The following MVB12B variants were observed in gnomAD, a reference collection of about 807,000 sequenced individuals.
MVB12B encodes the protein multivesicular body subunit 12B.
In MVB12B, 16 loss-of-function variants were observed where a neutral mutation model predicts 41.6. That is an observed-to-expected ratio of 0.38 (90% CI 0.26 to 0.58). The LOEUF is 0.58. Ranked by LOEUF, MVB12B falls within the 20% of genes least tolerant of loss-of-function variation. The probability of loss-of-function intolerance (pLI) is 0.62; values close to 1 mark genes in which losing one functional copy is unlikely to be tolerated. For synonymous variants in MVB12B, 133 were observed against 139.7 expected (o/e 0.95, Z 0.34); for missense variants, 274 against 380.2 (o/e 0.72, Z 2.32).
intron 7 of MVB12B, among the ~76,000 whole-genome samples, chr9:126,453,549 C>T (rs1192141465): frequency 1.3e-5 from 2 of 152,228 alleles, no homozygotes; most frequent in East Asian, 1.9e-4. Context: ...TGTGTATCAC[C>T]GGCTGCTTCC....
Position 126,392,412 on chromosome 9 carries a change from T to A in MVB12B, c.539+217T>A, listed in dbSNP as rs762263290. On this transcript the variant is annotated intron_variant, in intron 5 of 9. Transcript: ENST00000361171. The surrounding 1 kb of genome is among the most constrained non-coding windows in gnomAD (Gnocchi z 4.8). ...CTCCACCTTAGGGCCTTTCCTCCCC[T>A]GCCCTTCTGCGCATTCAGCCTTGAA... 6.6e-5 allele frequency among the ~76,000 whole-genome samples: 10 copies of A among 152,208 alleles called. No individual in the cohort carries two copies. Among genetic ancestry groups the A allele is most frequent in the Non-Finnish European group, 1.2e-4 (8 of 68,034 alleles).
chr9:126,388,379 T>C (rs970558356), intron 4 of MVB12B, among the ~76,000 whole-genome samples: 1 of 152,228 alleles, frequency 6.6e-6, no homozygotes, highest in African/African-American at 2.4e-5. Flanking sequence ...CTTCATTCCT[T>C]CTTATCACCA....
In MVB12B at chr9:126,480,114, C is replaced by T. The variant is rs1833496723; in HGVS notation, c.758-1255C>T. Among the ~76,000 whole-genome samples the T allele has an allele frequency of 6.6e-6, 1 of 152,180 alleles. No homozygotes were observed. Among genetic ancestry groups the T allele is most frequent in the African/African-American group, 2.4e-5 (1 of 41,430 alleles). ...TGCCCGACGCTGCCCCCATGCTCTA[C>T]CTTGCTTCCATTGTGCTCACTCCGT... On this transcript the variant is annotated intron_variant, in intron 7 of 9. Transcript: ENST00000361171. The surrounding 1 kb of genome is among the most constrained non-coding windows in gnomAD (Gnocchi z 4.9).
chr9:126,499,901 C>G (rs1395457108), intron 9 of MVB12B, among the ~76,000 whole-genome samples: 1 of 152,042 alleles, frequency 6.6e-6, no homozygotes, highest in African/African-American at 2.4e-5. Flanking sequence ...CAGCCCAGCC[C>G]GGAGGGCCCA....
At chr9:126,343,263 A>G (rs1829498175) in intron 2 of MVB12B, among the ~76,000 whole-genome samples, 1 of 152,076 alleles carries the variant, frequency 6.6e-6, no homozygotes, top group Non-Finnish European at 1.5e-5. Flanking sequence ...CACCCACACT[A>G]TCTGGGAGTG....
intron 6 of MVB12B, among the ~76,000 whole-genome samples, chr9:126,403,436 C>T (rs765643174): frequency 6.6e-6 from 1 of 152,200 alleles, no homozygotes; most frequent in African/African-American, 2.4e-5. Context: ...GCCTGGCCTG[C>T]GTCGTTTTCC....
intron 9 of MVB12B, among the ~76,000 whole-genome samples, chr9:126,500,264 G>A (rs550494260): frequency 6.6e-6 from 1 of 152,220 alleles, no homozygotes; most frequent in Non-Finnish European, 1.5e-5. Context: ...CCACTGCCCT[G>A]CAGGAACCTG....
chr9:126,454,476 A>G (rs1431155129), intron 7 of MVB12B, among the ~76,000 whole-genome samples: 1 of 152,240 alleles, frequency 6.6e-6, no homozygotes, highest in Non-Finnish European at 1.5e-5. Flanking sequence ...AGCTAATCCC[A>G]TTGAGCCTCG....
chr9:126,359,202 A>C (rs1053480601), intron 2 of MVB12B, among the ~76,000 whole-genome samples: 4 of 152,106 alleles, frequency 2.6e-5, no homozygotes, highest in Admixed American at 2.6e-4. Flanking sequence ...TAATATAATG[A>C]AATACACTGA....
rs966569802 is a variant in MVB12B, at chr9:126,482,581, C to CTAGCT, written c.813+1157_813+1158insTAGCT. 3.1e-4 allele frequency among the ~76,000 whole-genome samples: 47 copies of CTAGCT among 150,844 alleles called. 1 individual carries two copies. The highest frequency in any genetic ancestry group is 2.3e-3 in the Admixed American group (35 of 15,248). On this transcript the variant is annotated intron_variant, in intron 8 of 9. Transcript: ENST00000361171. ...GGCAGCTCTGTCCTGCTCACCAGCT[C>CTAGCT]CAGTTGGGAGAATTTAGTGGGGTGG... is the stretch of plus-strand genomic sequence containing the variant.
intron 7 of MVB12B, among the ~76,000 whole-genome samples, chr9:126,460,714 A>G (rs928555048): frequency 6.6e-6 from 1 of 151,904 alleles, no homozygotes; most frequent in African/African-American, 2.4e-5. Context: ...GGAGGTGGGG[A>G]GGAGGGCAAG....
rs560069618 is a variant in MVB12B at position 126,478,825 on chromosome 9, C to T, written c.758-2544C>T. The stretch of plus-strand genomic sequence containing the variant: ...TCTTTGCACATCACCTTACCACCTT[C>T]GTAACACACAGGATCCCTAGACATA... On this transcript the variant is annotated intron_variant, in intron 7 of 9. Transcript: ENST00000361171. This position sits in a 1 kb window ranked among gnomAD's most constrained non-coding sequence, Gnocchi z 4.2. Among the ~76,000 whole-genome samples the T allele has an allele frequency of 5.3e-5, 8 of 152,290 alleles. 1 individual carries two copies. The highest frequency in any genetic ancestry group is 4.1e-4 in the South Asian group (2 of 4,830).
chr9:126,405,872 C>A (rs1831405223), intron 6 of MVB12B, among the ~76,000 whole-genome samples: 1 of 148,860 alleles, frequency 6.7e-6, no homozygotes, highest in Admixed American at 6.7e-5. Flanking sequence ...TTATTATCAT[C>A]ATTATTATTT....
At chr9:126,447,912 T>C (rs1468312329) in intron 7 of MVB12B, 1 of 152,252 alleles carries the variant, frequency 6.6e-6, no homozygotes, top group African/African-American at 2.4e-5. Flanking sequence ...TTCATCGAAA[T>C]AGAATTCCCC....
At chr9:126,346,379 G>A (rs995981724) in intron 2 of MVB12B, among the ~76,000 whole-genome samples, 5 of 152,158 alleles carry the variant, frequency 3.3e-5, no homozygotes, top group African/African-American at 1.2e-4. Flanking sequence ...GGGAGGTGGG[G>A]GAGTAGGGAG....
chr9:126,371,637 T>G (rs1830341656), intron 2 of MVB12B, among the ~76,000 whole-genome samples: 1 of 152,210 alleles, frequency 6.6e-6, no homozygotes, highest in Non-Finnish European at 1.5e-5. Context: ...GCTTTAGTCT[T>G]TGTGTGTTTT....
chr9:126,440,796 ATTTCTTCTT>A (rs1832615380), intron 7 of MVB12B, among the ~76,000 whole-genome samples: 1 of 152,174 alleles, frequency 6.6e-6, no homozygotes, highest in Non-Finnish European at 1.5e-5. Flanking sequence ...ATAATAGCAA[ATTTCTTCTT>A]TTCATAATTG....
chr9:126,397,039 A>G, intron 6 of MVB12B: 8 of 985,566 alleles, frequency 8.1e-6, no homozygotes, highest in Non-Finnish European at 9.6e-6. Context: ...GAGTCAGCTA[A>G]GTCCATCACC....
At chr9:126,394,953 G>GC (rs1215449488) in intron 5 of MVB12B, among the ~76,000 whole-genome samples, 2 of 152,126 alleles carry the variant, frequency 1.3e-5, no homozygotes, top group African/African-American at 4.8e-5. Flanking sequence ...TGTAGTAGGG[G>GC]GCGGGGCTGT....
Sources: gnomAD v4.1 joint callset for allele counts (sites outside exome capture counted in the v4.1 genomes callset) on GRCh38, gnomAD v4.1.1 for gene constraint, Gnocchi (gnomAD v3.1) non-coding constraint, MANE v1.5 for transcripts, NCBI Gene and HGNC (gene_info 2026-07-23, HGNC 2026-07-21) for gene names.